Variants in CLVS1 observed in about 807,000 individuals in gnomAD.
CLVS1 encodes the protein clavesin-1.
Under a neutral mutation model 33.1 loss-of-function variants are expected in CLVS1, and 10 were observed. That is an observed-to-expected ratio of 0.30 (90% CI 0.19 to 0.51). CLVS1 has a LOEUF of 0.51. Ranked by LOEUF, CLVS1 falls within the 20% of genes least tolerant of loss-of-function variation. The pLI is 0.97. For missense variants in CLVS1, 343 were observed against 433.4 expected, an observed-to-expected ratio of 0.79 and a Z score of 1.85; for synonymous variants, 163 against 166.1, an observed-to-expected ratio of 0.98 and a Z score of 0.14.
intron 1 of CLVS1, among the ~76,000 whole-genome samples, chr8:61,098,320 G>A (rs997109148): frequency 6.6e-6 from 1 of 151,902 alleles, no homozygotes; most frequent in Non-Finnish European, 1.5e-5. Flanking sequence ...TTTACTCACA[G>A]TGATTAGGAG....
intron 2 of CLVS1, among the ~76,000 whole-genome samples, chr8:61,171,599 T>A (rs1354744347): frequency 6.6e-6 from 1 of 152,162 alleles, no homozygotes; most frequent in Non-Finnish European, 1.5e-5. Flanking sequence ...GAGGGCAATA[T>A]AAAATGAAAT....
Position 61,458,176 on chromosome 8 carries a change from C to A in CLVS1, c.742-131C>A, listed in dbSNP as rs77715726. On this transcript the variant is annotated intron_variant, in intron 4 of 5. Coordinates refer to ENST00000325897, the MANE Select transcript of CLVS1 (RefSeq NM_173519.3). ...GAAGACTAAGCTACAGTCACAAAAT[C>A]AATGCCTCTTTAAACACTGTGATCA... The A allele has an allele frequency of 3.4e-3, 2,226 of 650,948 alleles. 37 individuals carry two copies. The African/African-American group carries it at 0.037, about 11-fold the overall frequency. 40.3% of individuals were successfully genotyped at this position (650,948 alleles called of 1,614,324 possible). A position where few individuals can be genotyped will look rare whatever the true frequency, so the allele number is the denominator to read the frequency against.
At chr8:61,184,614 C>A (rs938826781) in intron 2 of CLVS1, among the ~76,000 whole-genome samples, 2 of 152,282 alleles carry the variant, frequency 1.3e-5, no homozygotes, top group African/African-American at 4.8e-5. Flanking sequence ...AGAGAGAAAA[C>A]GGTAGGCTGG....
the CLVS1 span, among the ~76,000 whole-genome samples, chr8:61,024,545 C>T: frequency 6.6e-6 from 1 of 152,210 alleles, no homozygotes; most frequent in Non-Finnish European, 1.5e-5. Flanking sequence ...CTCTAAGCTT[C>T]TAAACAGAGT....
chr8:61,009,783 GGT>G, the CLVS1 span, among the ~76,000 whole-genome samples: 1 of 152,146 alleles, frequency 6.6e-6, no homozygotes, highest in African/African-American at 2.4e-5. Context: ...GTGGGAGAAA[GGT>G]GTGTGTTTCA....
chr8:61,164,196 C>T (rs891980969), intron 2 of CLVS1, among the ~76,000 whole-genome samples: 7 of 152,140 alleles, frequency 4.6e-5, no homozygotes, highest in South Asian at 2.1e-4. Flanking sequence ...AAGATGGGTG[C>T]GGTCACCTTC....
Position 61,292,070 on chromosome 8 carries a change from C to T in CLVS1, c.-152+3932C>T, listed in dbSNP as rs117201752. 225 of 268,798 alleles carry T rather than the reference C, an allele frequency of 8.4e-4. No individual in the cohort carries two copies. In the East Asian group the frequency reaches 0.015, roughly 18 times the overall value. The allele number at this position is 268,798 out of a possible 1,614,324, so 16.7% of individuals were successfully genotyped here. A position where few individuals can be genotyped will look rare whatever the true frequency, so the allele number is the denominator to read the frequency against. On this transcript the variant is annotated intron_variant, in intron 1 of 5. Coordinates refer to ENST00000325897, the MANE Select transcript of CLVS1 (RefSeq NM_173519.3). ...CTAACAAGGTCCTGGGTTCTGCTGC[C>T]ACTGCTGATGCATGGACCACCCTTT...
At chr8:61,402,499 G>A (rs578242262) in intron 3 of CLVS1, among the ~76,000 whole-genome samples, 9 of 152,204 alleles carry the variant, frequency 5.9e-5, no homozygotes, top group South Asian at 2.1e-4. Flanking sequence ...GCTGTGGCCC[G>A]AGATCACAAT....
intron 3 of CLVS1, among the ~76,000 whole-genome samples, chr8:61,409,314 C>T (rs1815125552): frequency 6.6e-6 from 1 of 152,112 alleles, no homozygotes; most frequent in Non-Finnish European, 1.5e-5. Flanking sequence ...ATTTGTGTTA[C>T]ATAAACAGAA....
At chr8:61,163,973 C>A (rs1806802825) in intron 2 of CLVS1, among the ~76,000 whole-genome samples, 1 of 152,146 alleles carries the variant, frequency 6.6e-6, no homozygotes, top group South Asian at 2.1e-4. Flanking sequence ...AACAAAGCTC[C>A]CATACAATGG....
rs757843779 is a variant in CLVS1, at chr8:61,458,463, C to T, written c.898C>T (p.His300Tyr). 6.2e-7 allele frequency: 1 copy of T among 1,614,018 alleles called. No homozygotes were observed. The highest frequency in any genetic ancestry group is 1.7e-5 in the Admixed American group (1 of 60,018). ...PDYSDENDYT[H>Y]TSYNAMHVKH... ...CTACAGCGATGAAAATGACTATACT[C>T]ACACATCCTATAATGCAATGCACGT... is the stretch of plus-strand genomic sequence containing the variant. The change falls in exon 5 of 6, where the codon CAC becomes TAC. Residue 300 changes from histidine (H) to tyrosine (Y), a missense_variant. Coordinates refer to ENST00000325897, the MANE Select transcript of CLVS1 (RefSeq NM_173519.3).
At chr8:61,311,795 T>A (rs59615571) in intron 2 of CLVS1, among the ~76,000 whole-genome samples, 3,937 of 152,296 alleles carry the variant, frequency 0.026, 164 homozygotes, top group African/African-American at 0.089. Context: ...GGCCTAAGAA[T>A]AACTTCTTCC....
intron 2 of CLVS1, among the ~76,000 whole-genome samples, chr8:61,210,752 A>G (rs1807953739): frequency 6.6e-6 from 1 of 152,246 alleles, no homozygotes; most frequent in Non-Finnish European, 1.5e-5. Flanking sequence ...AAGATAATAA[A>G]TGTATGCTGC....
rs188960514 is a variant in CLVS1, at chr8:61,410,737, G to A, written c.630+33958G>A. Among the ~76,000 whole-genome samples the A allele has an allele frequency of 5.0e-3, 758 of 152,252 alleles. 4 individuals are homozygous for A. The highest frequency in any genetic ancestry group is 8.6e-3 in the Non-Finnish European group (585 of 68,018). The stretch of plus-strand genomic sequence containing the variant: ...GCTCACTGCAGCCTCCGCCTCCTGG[G>A]TTCAAGCAATTCTCCTGCCTCAGCC... On this transcript the variant is annotated intron_variant, in intron 3 of 5. Coordinates refer to ENST00000325897, the MANE Select transcript of CLVS1 (RefSeq NM_173519.3).
intron 2 of CLVS1, among the ~76,000 whole-genome samples, chr8:61,244,129 G>A (rs1176954052): frequency 1.3e-5 from 2 of 152,112 alleles, no homozygotes; most frequent in Non-Finnish European, 2.9e-5. Context: ...TAGCTTTCAT[G>A]CAGAGATGAC....
At chr8:61,086,471 A>G (rs1805129696) in intron 1 of CLVS1, among the ~76,000 whole-genome samples, 1 of 152,210 alleles carries the variant, frequency 6.6e-6, no homozygotes, top group African/African-American at 2.4e-5. Context: ...ACTTATACTA[A>G]AGCAATATTC....
chr8:61,115,050 C>T (rs1328135858), intron 1 of CLVS1, among the ~76,000 whole-genome samples: 1 of 152,178 alleles, frequency 6.6e-6, no homozygotes, highest in Non-Finnish European at 1.5e-5. Flanking sequence ...AACTTTTTCC[C>T]CAGCAGACAT....
At chr8:61,453,236 C>T (rs1817026987) in intron 3 of CLVS1, among the ~76,000 whole-genome samples, 1 of 151,988 alleles carries the variant, frequency 6.6e-6, no homozygotes, top group African/African-American at 2.4e-5. Context: ...TCTGCTGAAG[C>T]CATTCATTGG....
chr8:61,278,619 G>A (rs1809609145), intron 2 of CLVS1, among the ~76,000 whole-genome samples: 3 of 152,200 alleles, frequency 2.0e-5, no homozygotes, highest in Admixed American at 1.3e-4. Flanking sequence ...AATGTCATCA[G>A]GGATTAATGT....
Sources: gnomAD v4.1 joint callset for allele counts (sites outside exome capture counted in the v4.1 genomes callset) on GRCh38, gnomAD v4.1.1 for gene constraint, MANE v1.5 for transcripts, NCBI Gene and HGNC (gene_info 2026-07-23, HGNC 2026-07-21) for gene names.